Variants in SPIDR observed in about 807,000 individuals in gnomAD.
SPIDR encodes scaffold protein involved in DNA repair.
In SPIDR, 93 loss-of-function variants were observed where a neutral mutation model predicts 104.6. That is an observed-to-expected ratio of 0.89 (90% CI 0.75 to 1.06). The LOEUF (loss-of-function observed/expected upper bound fraction) is 1.06. Ranked by LOEUF, SPIDR falls within the 50% of genes least tolerant of loss-of-function variation. SPIDR has a pLI of 0.00. For synonymous variants in SPIDR, 431 were observed against 416.9 expected (o/e 1.03, Z -0.41); for missense variants, 1,154 against 1,111.2 (o/e 1.04, Z -0.55).
At chr8:47,425,390 G>A (rs2066256198) in intron 7 of SPIDR, among the ~76,000 whole-genome samples, 1 of 152,120 alleles carries the variant, frequency 6.6e-6, no homozygotes, top group Non-Finnish European at 1.5e-5. Flanking sequence ...GGACTAGATG[G>A]ATGACAAGCA....
intron 1 of SPIDR, among the ~76,000 whole-genome samples, chr8:47,262,845 A>AATG (rs2032855885): frequency 6.6e-6 from 1 of 152,098 alleles, no homozygotes; most frequent in South Asian, 2.1e-4. Flanking sequence ...AAAAGTACTT[A>AATG]ATGGTTGGAG....
chr8:47,716,750 G>A (rs1398406641), intron 16 of SPIDR, among the ~76,000 whole-genome samples: 1 of 152,082 alleles, frequency 6.6e-6, no homozygotes, highest in East Asian at 1.9e-4. Flanking sequence ...GTAGAGTTGG[G>A]CAAGGCTGTA....
chr8:47,420,484 CT>C (rs2065232361), intron 7 of SPIDR, among the ~76,000 whole-genome samples: 1 of 152,120 alleles, frequency 6.6e-6, no homozygotes, highest in Non-Finnish European at 1.5e-5. Flanking sequence ...TTCCTCCATC[CT>C]TTTATTTTGA....
chr8:47,582,084 G>A (rs552474423), intron 8 of SPIDR, among the ~76,000 whole-genome samples: 20 of 152,274 alleles, frequency 1.3e-4, no homozygotes, highest in African/African-American at 4.3e-4. Context: ...AGGCGTGGTG[G>A]CGGGTGCCTG....
At chr8:47,574,352 T>A (rs1036950413) in intron 8 of SPIDR, among the ~76,000 whole-genome samples, 1 of 152,238 alleles carries the variant, frequency 6.6e-6, no homozygotes, top group Non-Finnish European at 1.5e-5. Flanking sequence ...TTTTTTCCCT[T>A]TTTATTCTCA....
rs1224441341 is a variant in SPIDR, at chr8:47,369,326, A to G, written c.526-27050A>G. Among the ~76,000 whole-genome samples the G allele has an allele frequency of 1.3e-5, 2 of 152,252 alleles. 1 individual carries two copies. ...GTGGACTAGCTTTACCCCAAATTGC[A>G]TTGTTAAAGTTTTGAATTTATAATT... On this transcript the variant is annotated intron_variant, in intron 5 of 19. Transcript: ENST00000297423.
At chr8:47,529,984 G>A (rs1373575403) in intron 8 of SPIDR, among the ~76,000 whole-genome samples, 1 of 152,156 alleles carries the variant, frequency 6.6e-6, no homozygotes, top group Non-Finnish European at 1.5e-5. Flanking sequence ...GATATGTTCT[G>A]AGAAATGCAT....
At chr8:47,364,598 A>G (rs2056832296) in intron 5 of SPIDR, among the ~76,000 whole-genome samples, 1 of 152,146 alleles carries the variant, frequency 6.6e-6, no homozygotes, top group South Asian at 2.1e-4. Flanking sequence ...TCAGTTCACA[A>G]ATAGAATTCT....
chr8:47,728,296 A>G (rs145263276), intron 17 of SPIDR, among the ~76,000 whole-genome samples: 1,878 of 151,912 alleles, frequency 0.012, 48 homozygotes, highest in African/African-American at 0.042. Context: ...TTAGCCGGGC[A>G]TGGTGGCACA....
intron 8 of SPIDR, among the ~76,000 whole-genome samples, chr8:47,521,737 A>T (rs959659216): frequency 6.6e-6 from 1 of 150,624 alleles, no homozygotes; most frequent in African/African-American, 2.4e-5. Flanking sequence ...TTATTTTTTT[A>T]TTTTCCTCTA....
In SPIDR at chr8:47,320,611, G is replaced by T. The variant is rs575931602; in HGVS notation, c.525+26581G>T. 1.7e-3 allele frequency among the ~76,000 whole-genome samples: 255 copies of T among 152,238 alleles called. 4 individuals carry two copies. The South Asian group carries it at 0.044, about 26-fold the overall frequency. ...AACTCATTTTATGAGGCCAGCATCA[G>T]CCTGATACCAAAGCCTGGCAGAGAC... On this transcript the variant is annotated intron_variant, in intron 5 of 19. Coordinates refer to ENST00000297423, the MANE Select transcript of SPIDR (RefSeq NM_001080394.4).
rs140728247 is a variant in SPIDR at position 47,509,199 on chromosome 8, A to T, written c.1097+68657A>T. Among the ~76,000 whole-genome samples, 1,404 of 152,236 alleles carry T rather than the reference A, an allele frequency of 9.2e-3. 23 individuals carry two copies. The highest frequency in any genetic ancestry group is 0.031 in the African/African-American group (1,306 of 41,544). On this transcript the variant is annotated intron_variant, in intron 8 of 19. Coordinates refer to ENST00000297423, the MANE Select transcript of SPIDR (RefSeq NM_001080394.4). ...ACACACTTTGGCCCTTCGGCTTGTT[A>T]TGTTAGCCAGATCCTCTTGCCTCTG...
At chr8:47,578,471 C>CAA (rs142582965) in intron 8 of SPIDR, among the ~76,000 whole-genome samples, 2 of 147,698 alleles carry the variant, frequency 1.4e-5, no homozygotes, top group African/African-American at 5.0e-5. Flanking sequence ...GACTCCATCT[C>CAA]AAAAAAAAAA....
At chr8:47,474,018 C>T (rs1776266933) in intron 8 of SPIDR, among the ~76,000 whole-genome samples, 1 of 152,102 alleles carries the variant, frequency 6.6e-6, no homozygotes, top group Non-Finnish European at 1.5e-5. Flanking sequence ...GCCAAGCAGA[C>T]AAGGAGAACA....
chr8:47,322,805 G>C (rs1164295351), intron 5 of SPIDR, among the ~76,000 whole-genome samples: 1 of 152,094 alleles, frequency 6.6e-6, no homozygotes, highest in Non-Finnish European at 1.5e-5. Flanking sequence ...GGATGAAGGT[G>C]GAAACCATCA....
chr8:47,568,833 A>G (rs1348522327), intron 8 of SPIDR, among the ~76,000 whole-genome samples: 1 of 152,268 alleles, frequency 6.6e-6, no homozygotes, highest in Non-Finnish European at 1.5e-5. Context: ...AAGATATATT[A>G]GAGTCAAACT....
chr8:47,668,679 C>T (rs1348254913), intron 10 of SPIDR, among the ~76,000 whole-genome samples: 1 of 151,972 alleles, frequency 6.6e-6, no homozygotes, highest in Non-Finnish European at 1.5e-5. Flanking sequence ...AAAAGGCAGC[C>T]ATAAAAGAAA....
chr8:47,269,253 T>A (rs2034752303), intron 1 of SPIDR, among the ~76,000 whole-genome samples: 1 of 140,424 alleles, frequency 7.1e-6, no homozygotes, highest in East Asian at 2.1e-4. Context: ...GGCAACAGAG[T>A]GAGACCATCT....
At chr8:47,630,884 CAAGA>C (rs1222428559) in intron 10 of SPIDR, among the ~76,000 whole-genome samples, 3 of 152,236 alleles carry the variant, frequency 2.0e-5, no homozygotes, top group African/African-American at 7.2e-5. Flanking sequence ...CCTGTTGACT[CAAGA>C]AAGTAAAAGC....
Sources: gnomAD v4.1 joint callset for allele counts (sites outside exome capture counted in the v4.1 genomes callset) on GRCh38, gnomAD v4.1.1 for gene constraint, MANE v1.5 for transcripts, NCBI Gene and HGNC (gene_info 2026-07-23, HGNC 2026-07-21) for gene names.